Variants in ADNP2 observed in about 807,000 individuals in gnomAD.
ADNP2 encodes activity-dependent neuroprotector homeobox protein 2.
Under a neutral mutation model 16.4 loss-of-function variants are expected in ADNP2, and 8 were observed. The observed-to-expected ratio is 0.49, with a 90% CI of 0.29 to 0.88. The LOEUF (loss-of-function observed/expected upper bound fraction) is 0.88, where lower values mean the gene tolerates loss of function less well. Ranked by LOEUF, ADNP2 falls within the 40% of genes least tolerant of loss-of-function variation. ADNP2 has a pLI of 0.09. For missense variants in ADNP2, 1,397 were observed against 1,395.1 expected (o/e 1.00, Z -0.02); for synonymous variants, 637 against 545.8 (o/e 1.17, Z -2.33).
At position 80,137,086 on chromosome 18, in the gene ADNP2, A is replaced by G. The variant is rs1270791051; in HGVS notation, c.1673A>G (p.Gln558Arg). Reference protein sequence around the residue: ...PVVSGVLPVGQPVRPGVLQLN... With the variant: ...PVVSGVLPVGRPVRPGVLQLN... The stretch of plus-strand genomic sequence containing the variant: ...GTGTCGGGAGTTCTTCCTGTGGGCC[A>G]GCCAGTGAGGCCTGGGGTCTTGCAA... The change falls in exon 4 of 4, where the codon CAG becomes CGG. Residue 558 changes from glutamine (Q) to arginine (R), a missense_variant. Gln to Arg is a conservative substitution (Grantham distance 43, BLOSUM62 1). Coordinates refer to ENST00000262198, the MANE Select transcript of ADNP2 (RefSeq NM_014913.4). This position sits in a 1 kb window ranked among gnomAD's most constrained non-coding sequence, Gnocchi z 4.2. The G allele has an allele frequency of 6.2e-6, 10 of 1,614,028 alleles. No homozygotes were observed. Among genetic ancestry groups the G allele is most frequent in the South Asian group, 5.5e-5 (5 of 91,084 alleles).
At chr18:80,128,487 T>A (rs2052474636) in intron 2 of ADNP2, among the ~76,000 whole-genome samples, 1 of 152,052 alleles carries the variant, frequency 6.6e-6, no homozygotes. Context: ...CCGTCTCTAC[T>A]AAAAATACAA....
At chr18:80,128,488 A>G (rs2052474646) in intron 2 of ADNP2, among the ~76,000 whole-genome samples, 1 of 152,082 alleles carries the variant, frequency 6.6e-6, no homozygotes, top group African/African-American at 2.4e-5. Flanking sequence ...CGTCTCTACT[A>G]AAAATACAAA....
Position 80,140,170 on chromosome 18 carries a change from A to G in ADNP2, c.*1361A>G, listed in dbSNP as rs1425585301. On this transcript the variant is annotated 3_prime_UTR_variant, in exon 4 of 4. Transcript: ENST00000262198. Reference sequence around the variant, plus strand: ...AATGTTACTATGTGGATTTTAAAAAATATAATACTTGCATGTAATTGCTAT... The same window carrying G: ...AATGTTACTATGTGGATTTTAAAAAGTATAATACTTGCATGTAATTGCTAT... 6.6e-6 allele frequency: 1 copy of G among 152,366 alleles called. No homozygotes were observed. Among genetic ancestry groups the G allele is most frequent in the Admixed American group, 6.5e-5 (1 of 15,284 alleles). 9.4% of individuals were successfully genotyped at this position (152,366 alleles called of 1,614,324 possible).
At position 80,137,982 on chromosome 18, in the gene ADNP2, G is replaced by C. The variant is rs1485764093; in HGVS notation, c.2569G>C (p.Val857Leu). The C allele has an allele frequency of 6.2e-7, 1 of 1,613,350 alleles. No homozygotes were observed. Among genetic ancestry groups the C allele is most frequent in the South Asian group, 1.1e-5 (1 of 91,088 alleles). Reference sequence around the variant, plus strand: ...CTCCAAGTCACTGGTGCCTGTGTATGTGAAGGTGAGGCCTCAGGCTGAGGG... The same window carrying C: ...CTCCAAGTCACTGGTGCCTGTGTATCTGAAGGTGAGGCCTCAGGCTGAGGG... The part of the protein sequence containing the change: ...IHSKSLVPVY[V>L]KVRPQAEGTP... Residue 857 changes from valine (V) to leucine (L), a missense_variant, in exon 4 of 4, where the codon GTG becomes CTG. Val to Leu is a conservative substitution (Grantham distance 32). Around this residue, in one of 3 missense-constraint regions of ADNP2, gnomAD observed 611 missense variants for 648.7 expected, o/e 0.94. Transcript: ENST00000262198. The surrounding 1 kb of genome is among the most constrained non-coding windows in gnomAD (Gnocchi z 4.2).
At chr18:80,122,610 T>C (rs776654977) in intron 2 of ADNP2, among the ~76,000 whole-genome samples, 2 of 152,248 alleles carry the variant, frequency 1.3e-5, no homozygotes, top group Non-Finnish European at 2.9e-5. Flanking sequence ...TGTTCATAAT[T>C]TCCTGTTCAG....
intron 2 of ADNP2, among the ~76,000 whole-genome samples, chr18:80,127,821 A>T (rs1347641833): frequency 6.6e-6 from 1 of 152,166 alleles, no homozygotes; most frequent in Non-Finnish European, 1.5e-5. Flanking sequence ...TCACTGTATT[A>T]AGGGGTCATT....
At chr18:80,113,042 C>G (rs1471474156) in intron 1 of ADNP2, among the ~76,000 whole-genome samples, 3 of 152,180 alleles carry the variant, frequency 2.0e-5, no homozygotes, top group African/African-American at 7.2e-5. Context: ...TTGAGTTTTG[C>G]TCTGACCAAA....
intron 1 of ADNP2, among the ~76,000 whole-genome samples, chr18:80,111,039 A>G (rs1317691643): frequency 6.6e-6 from 1 of 152,146 alleles, no homozygotes; most frequent in East Asian, 1.9e-4. Context: ...TTGCCCTCAT[A>G]AGTTCACCAA....
At chr18:80,119,911 C>T (rs1276155405) in intron 2 of ADNP2, among the ~76,000 whole-genome samples, 2 of 152,098 alleles carry the variant, frequency 1.3e-5, no homozygotes, top group Non-Finnish European at 2.9e-5. Context: ...TCAACCACCT[C>T]CCCCCCAACC....
intron 1 of ADNP2, among the ~76,000 whole-genome samples, chr18:80,112,260 A>T (rs1040027019): frequency 2.0e-5 from 3 of 152,190 alleles, no homozygotes; most frequent in Non-Finnish European, 4.4e-5. Flanking sequence ...ATTATGCTAT[A>T]AGAATGGATC....
chr18:80,134,242 C>T (rs1322179322), intron 3 of ADNP2, among the ~76,000 whole-genome samples: 3 of 152,200 alleles, frequency 2.0e-5, no homozygotes, highest in Admixed American at 2.0e-4. Flanking sequence ...TAATGTAACT[C>T]CAGTTACTCA....
At chr18:80,132,824 A>G (rs771395806) in intron 2 of ADNP2, among the ~76,000 whole-genome samples, 3 of 151,874 alleles carry the variant, frequency 2.0e-5, no homozygotes, top group Admixed American at 2.0e-4. Flanking sequence ...GGTTCAAGCA[A>G]TTCTCCTGCC....
chr18:80,111,628 G>T (rs2052357971), intron 1 of ADNP2, among the ~76,000 whole-genome samples: 1 of 147,972 alleles, frequency 6.8e-6, no homozygotes, highest in Admixed American at 6.8e-5. Flanking sequence ...GTGCAGTGGT[G>T]TGATCTCGGC....
intron 2 of ADNP2, among the ~76,000 whole-genome samples, chr18:80,128,496 A>C (rs770501082): frequency 6.6e-6 from 1 of 152,080 alleles, no homozygotes; most frequent in South Asian, 2.1e-4. Context: ...CTAAAAATAC[A>C]AAAATTAGCC....
At chr18:80,125,068 C>A (rs1475594585) in intron 2 of ADNP2, among the ~76,000 whole-genome samples, 1 of 152,132 alleles carries the variant, frequency 6.6e-6, no homozygotes, top group Non-Finnish European at 1.5e-5. Context: ...TATTTTTAAA[C>A]CTTTAATCCA....
At chr18:80,110,562 T>TG (rs1568406431) in intron 1 of ADNP2, among the ~76,000 whole-genome samples, 1 of 152,058 alleles carries the variant, frequency 6.6e-6, no homozygotes, top group Non-Finnish European at 1.5e-5. Context: ...GTACCATTTT[T>TG]GGGGGTGAGG....
intron 2 of ADNP2, among the ~76,000 whole-genome samples, chr18:80,127,140 C>G (rs2052464352): frequency 6.6e-6 from 1 of 152,090 alleles, no homozygotes; most frequent in African/African-American, 2.4e-5. Context: ...TGTACCAAAT[C>G]TAATTTATAA....
rs780232813 is a variant in ADNP2 at position 80,137,142 on chromosome 18, C to T, written c.1729C>T (p.Pro577Ser). The T allele has an allele frequency of 6.2e-7, 1 of 1,614,234 alleles. No individual in the cohort carries two copies. Among genetic ancestry groups the T allele is most frequent in the South Asian group, 1.1e-5 (1 of 91,090 alleles). Residue 577 changes from proline (P) to serine (S), a missense_variant, in exon 4 of 4, where the codon CCT (proline) becomes TCT (serine). Around this residue, in one of 3 missense-constraint regions of ADNP2, gnomAD observed 777 missense variants for 719.4 expected, o/e 1.08. Transcript: ENST00000262198. This position sits in a 1 kb window ranked among gnomAD's most constrained non-coding sequence, Gnocchi z 4.2. ...LNQTVGTNIL[P>S]VNQPVRPGAS... The stretch of plus-strand genomic sequence containing the variant: ...CCAGACTGTGGGCACCAACATTCTG[C>T]CTGTGAATCAGCCAGTGAGACCTGG...
Position 80,133,087 on chromosome 18 carries a change from T to TC in ADNP2, c.109-15dup. Reference sequence around the variant, plus strand: ...CTGAATTTACATAATCTCTTTTTTTTCTCCCTTTTTAAAAGGACCTTAAAG... The same window carrying TC: ...CTGAATTTACATAATCTCTTTTTTTTCCTCCCTTTTTAAAAGGACCTTAAAG... On this transcript the variant is annotated splice_polypyrimidine_tract_variant and intron_variant, in intron 2 of 3. Coordinates refer to ENST00000262198, the MANE Select transcript of ADNP2 (RefSeq NM_014913.4). The TC allele has an allele frequency of 5.3e-6, 8 of 1,512,290 alleles. No individual in the cohort carries two copies. The highest frequency in any genetic ancestry group is 1.9e-5 in the Admixed American group (1 of 53,674). 93.7% of individuals were successfully genotyped at this position (1,512,290 alleles called of 1,614,324 possible).
Sources: allele counts gnomAD v4.1 joint callset (sites outside exome capture counted in the v4.1 genomes callset), GRCh38; gene constraint gnomAD v4.1.1; regional missense constraint gnomAD v4.1.1; non-coding constraint Gnocchi (gnomAD v3.1); transcripts MANE v1.5; gene names NCBI Gene and HGNC (gene_info 2026-07-23, HGNC 2026-07-21).